Variants in IQUB observed in about 807,000 individuals in gnomAD.
The protein encoded by IQUB is IQ motif and ubiquitin-like domain-containing protein.
IQUB carries 86 observed loss-of-function variants against 86.4 expected under a neutral mutation model. The ratio of observed to expected loss-of-function variants is 1.00; its 90% CI spans 0.84 to 1.19. The LOEUF is 1.19. Among genes scored for constraint, IQUB ranks in the 50% most tolerant of loss-of-function variants. The pLI is 0.00. For synonymous variants in IQUB, 289 were observed against 304.5 expected (o/e 0.95, Z 0.53); for missense variants, 946 against 916.9 (o/e 1.03, Z -0.41).
intron 1 of IQUB, among the ~76,000 whole-genome samples, chr7:123,515,111 CAAACAAA>C (rs1185595925): frequency 7.2e-5 from 11 of 152,010 alleles, no homozygotes; most frequent in African/African-American, 2.2e-4. Context: ...AAAAAACAAA[CAAACAAA>C]AAACAAAAAA....
intron 8 of IQUB, among the ~76,000 whole-genome samples, chr7:123,473,544 G>C (rs915854879): frequency 6.6e-6 from 1 of 151,912 alleles, no homozygotes; most frequent in African/African-American, 2.4e-5. Context: ...CTTCACCTCT[G>C]TCAAGCTTTG....
In IQUB at chr7:123,469,316, G is replaced by C; in HGVS notation, c.1479C>G (p.Ile493Met). Residue 493 changes from isoleucine to methionine, a missense_variant, in exon 9 of 13, where the codon ATC becomes ATG. Ile to Met is a conservative substitution (Grantham distance 10). Transcript: ENST00000324698. ...AGATATTTTGCAGCTCTCTGGCTCT[G>C]ATGGTGAACTGCGTATCCATCTCAA... ...KTIEMDTQFT[I>M]RARELQNIYK... is the part of the protein sequence containing the mutation. The C allele has an allele frequency of 1.2e-6, 2 of 1,609,844 alleles. No individual in the cohort carries two copies. Among genetic ancestry groups the C allele is most frequent in the South Asian group, 2.2e-5 (2 of 90,426 alleles).
chr7:123,469,756 C>T (rs535177022), intron 8 of IQUB, among the ~76,000 whole-genome samples: 3 of 152,034 alleles, frequency 2.0e-5, no homozygotes, highest in South Asian at 4.2e-4. Context: ...CCTGCCTTGC[C>T]AATTGAATAT....
chr7:123,519,197 C>T (rs757292449), intron 1 of IQUB, among the ~76,000 whole-genome samples: 4 of 152,098 alleles, frequency 2.6e-5, no homozygotes, highest in Middle Eastern at 3.2e-3. Flanking sequence ...AATGGTAGTA[C>T]ACTGTTAGCG....
intron 11 of IQUB, among the ~76,000 whole-genome samples, chr7:123,460,496 A>G (rs1276742333): frequency 6.6e-6 from 1 of 151,916 alleles, no homozygotes; most frequent in Non-Finnish European, 1.5e-5. Flanking sequence ...CATTTTAATT[A>G]GTAACTAATT....
At position 123,469,222 on chromosome 7, in the gene IQUB, T is replaced by A; in HGVS notation, c.1573A>T (p.Thr525Ser). Residue 525 changes from threonine to serine, a missense_variant, in exon 9 of 13, where the codon ACT (threonine) becomes TCT (serine). Physicochemically the swap from Thr to Ser is moderately conservative, Grantham distance 58. Coordinates refer to ENST00000324698, the MANE Select transcript of IQUB (RefSeq NM_178827.5). ...AGAGAAAGTTAACATACCTTTACAG[T>A]GTGTTTAAGAGTTAACAGCACATCC... is the stretch of plus-strand genomic sequence containing the variant. ...RLDVLLTLKHTVKEHECKLTQ... is the reference protein window; with the variant it reads ...RLDVLLTLKHSVKEHECKLTQ... The A allele has an allele frequency of 6.4e-7, 1 of 1,561,574 alleles. No homozygotes were observed.
chr7:123,493,562 A>G (rs867261072), intron 7 of IQUB, among the ~76,000 whole-genome samples: 3 of 152,138 alleles, frequency 2.0e-5, no homozygotes, highest in Admixed American at 6.6e-5. Flanking sequence ...GAAGCGTCCA[A>G]TGTTGGAGTG....
chr7:123,465,026 A>C lies in IQUB; in HGVS notation c.1582-17T>G. On this transcript the variant is annotated splice_polypyrimidine_tract_variant and intron_variant, in intron 9 of 12. Transcript: ENST00000324698. Reference sequence around the variant, plus strand: ...TTCATGTTCCTATATAAAACACAAAAATATATGGTATAAAATTTTACAAAT... The same window carrying C: ...TTCATGTTCCTATATAAAACACAAACATATATGGTATAAAATTTTACAAAT... The C allele has an allele frequency of 6.8e-7, 1 of 1,463,982 alleles. No individual in the cohort carries two copies. Among genetic ancestry groups the C allele is most frequent in the Non-Finnish European group, 9.3e-7 (1 of 1,079,014 alleles). The allele number at this position is 1,463,982 out of a possible 1,614,324, so 90.7% of individuals were successfully genotyped here. A position where few individuals can be genotyped will look rare whatever the true frequency, so the allele number is the denominator to read the frequency against.
rs1018372797 is a variant in IQUB at position 123,486,359 on chromosome 7, T to G, written c.1235-6389A>C. Among the ~76,000 whole-genome samples, 4 of 152,172 alleles carry G rather than the reference T, an allele frequency of 2.6e-5. No individual in the cohort carries two copies. In the South Asian group the frequency reaches 6.2e-4, roughly 24 times the overall value. ...CCAAATAAAAAATCCTGCACACCCT[T>G]TGAAGCCTTCCCTAACAACTTCTCA... On this transcript the variant is annotated intron_variant, in intron 7 of 12. Transcript: ENST00000324698.
At chr7:123,524,714 C>A (rs2117347059) in intron 1 of IQUB, among the ~76,000 whole-genome samples, 1 of 149,726 alleles carries the variant, frequency 6.7e-6, no homozygotes, top group South Asian at 2.1e-4. Context: ...CCTAATTGCC[C>A]TGGCCAGAAC....
intron 8 of IQUB, among the ~76,000 whole-genome samples, chr7:123,474,160 T>C (rs867682874): frequency 3.7e-4 from 57 of 152,218 alleles, no homozygotes; most frequent in African/African-American, 1.3e-3. Flanking sequence ...AAAGTGAAAC[T>C]GAAACTAAAA....
Position 123,457,580 on chromosome 7 carries a change from C to T in IQUB, c.2008-14G>A, listed in dbSNP as rs745669619. The T allele has an allele frequency of 2.5e-6, 4 of 1,585,476 alleles. No homozygotes were observed. Among genetic ancestry groups the T allele is most frequent in the Non-Finnish European group, 3.4e-6 (4 of 1,168,580 alleles). On this transcript the variant is annotated splice_polypyrimidine_tract_variant and intron_variant, in intron 11 of 12. Transcript: ENST00000324698. ...AATGTCTTGTAGCTGCATGTCAAAGCAAGTTTTAAAAACAATGTAGTTTAA... is the reference window on the plus strand; with the variant it reads ...AATGTCTTGTAGCTGCATGTCAAAGTAAGTTTTAAAAACAATGTAGTTTAA...
chr7:123,489,873 T>G (rs780652910), intron 7 of IQUB, among the ~76,000 whole-genome samples: 1 of 151,950 alleles, frequency 6.6e-6, no homozygotes. Flanking sequence ...AAAAATCACA[T>G]ATTCTCAAGC....
chr7:123,505,103 A>G (rs538833944), intron 3 of IQUB, among the ~76,000 whole-genome samples: 2 of 152,294 alleles, frequency 1.3e-5, no homozygotes, highest in South Asian at 4.1e-4. Context: ...AGCTTTAAAT[A>G]ATCTCCTTTG....
At chr7:123,482,146 A>T (rs564112397) in intron 7 of IQUB, among the ~76,000 whole-genome samples, 2 of 152,212 alleles carry the variant, frequency 1.3e-5, no homozygotes, top group African/African-American at 2.4e-5. Context: ...GACTGTCATG[A>T]ATGTTTATAC....
At chr7:123,471,631 T>TCC (rs1398711855) in intron 8 of IQUB, among the ~76,000 whole-genome samples, 6 of 145,326 alleles carry the variant, frequency 4.1e-5, no homozygotes, top group South Asian at 2.2e-4. Context: ...TAACTCTGTT[T>TCC]TCCCCCCCAA....
intron 7 of IQUB, among the ~76,000 whole-genome samples, chr7:123,489,017 A>T (rs182134696): frequency 6.6e-6 from 1 of 152,326 alleles, no homozygotes; most frequent in East Asian, 1.9e-4. Context: ...GAGGCAAAGA[A>T]GCCAGAAATA....
In IQUB at chr7:123,469,385, C is replaced by T; in HGVS notation, c.1411-1G>A. 1.3e-6 allele frequency: 2 copies of T among 1,529,326 alleles called. No individual in the cohort carries two copies. Among genetic ancestry groups the T allele is most frequent in the Non-Finnish European group, 8.8e-7 (1 of 1,131,606 alleles). 94.7% of individuals were successfully genotyped at this position (1,529,326 alleles called of 1,614,324 possible). A position where few individuals can be genotyped will look rare whatever the true frequency, so the allele number is the denominator to read the frequency against. On this transcript the variant is annotated splice_acceptor_variant, in intron 8 of 12. Transcript: ENST00000324698. LOFTEE classifies it high-confidence loss of function. ...TTCTCCATATTTTTGGAGCTGAACA[C>T]TTAAAAATAATATTATGTTTATAAT...
chr7:123,503,408 T>C, intron 3 of IQUB, 45 bp from the exon 4 acceptor site: 1 of 987,078 alleles, frequency 1.0e-6, no homozygotes, highest in Non-Finnish European at 1.5e-6. Context: ...GACAAAGAAA[T>C]GGCTATTCAT....
Sources: allele counts gnomAD v4.1 joint callset (sites outside exome capture counted in the v4.1 genomes callset), GRCh38; gene constraint gnomAD v4.1.1; transcripts MANE v1.5; gene names NCBI Gene and HGNC (gene_info 2026-07-23, HGNC 2026-07-21).